The following PUDP variants were observed in gnomAD, a reference collection of about 807,000 sequenced individuals.
The protein encoded by PUDP is pseudouridine 5'-phosphatase, also known as pseudouridine-5'-phosphatase.
A neutral mutation model predicts 9.4 loss-of-function variants in PUDP; 8 were observed. The ratio of observed to expected loss-of-function variants is 0.85; its 90% CI spans 0.50 to 1.53. The LOEUF (loss-of-function observed/expected upper bound fraction) is 1.53, where lower values mean the gene tolerates loss of function less well. PUDP is among the 40% of genes most tolerant of loss of function. The pLI, the probability that PUDP is intolerant of heterozygous loss-of-function variation, is 0.00. For synonymous variants in PUDP, 99 were observed against 80.7 expected (o/e 1.23, Z -1.22); for missense variants, 188 against 189.7 (o/e 0.99, Z 0.05).
chrX:6,715,534 T>C (rs1924590220), intron 1 of PUDP, among the ~76,000 whole-genome samples: 2 of 112,452 alleles, frequency 1.8e-5, no homozygotes, highest in African/African-American at 6.5e-5. Context: ...ATGGAATGTA[T>C]TCAATAAATG....
At chrX:7,032,788 G>A (rs965643649) in intron 1 of PUDP, among the ~76,000 whole-genome samples, 20 of 111,450 alleles carry the variant, frequency 1.8e-4, no homozygotes, top group African/African-American at 6.5e-4. Context: ...GTTTTCACAG[G>A]TGAATATATT....
At chrX:7,001,645 C>A (rs909320650) in intron 1 of PUDP, among the ~76,000 whole-genome samples, 2 of 111,272 alleles carry the variant, frequency 1.8e-5, no homozygotes, top group South Asian at 7.5e-4. Flanking sequence ...TGAAAAGAAT[C>A]GAGATCAGAG....
intron 3 of PUDP, among the ~76,000 whole-genome samples, chrX:6,890,113 G>A (rs1927490861): frequency 1.8e-5 from 2 of 111,777 alleles, no homozygotes; most frequent in Admixed American, 1.9e-4. Context: ...TCAGAGGTAT[G>A]GTTTCCACAT....
chrX:6,786,067 G>C (rs1004142919), intron 3 of PUDP, among the ~76,000 whole-genome samples: 1 of 111,517 alleles, frequency 9.0e-6, no homozygotes, highest in Non-Finnish European at 1.9e-5. Context: ...TACTCAATGT[G>C]CTGTTCTCTC....
At chrX:7,068,073 G>C (rs1260361466) in intron 3 of PUDP, among the ~76,000 whole-genome samples, 1 of 111,653 alleles carries the variant, frequency 9.0e-6, no homozygotes, top group Non-Finnish European at 1.9e-5. Context: ...ACCCAGTTTT[G>C]GGTATGTCTT....
intron 3 of PUDP, among the ~76,000 whole-genome samples, chrX:6,781,612 G>A: frequency 8.9e-6 from 1 of 112,222 alleles, no homozygotes; most frequent in Middle Eastern, 4.6e-3. Flanking sequence ...AACAGAAAGT[G>A]CATGTCATGG....
At chrX:7,071,921 C>T (rs778746615) in intron 3 of PUDP, among the ~76,000 whole-genome samples, 120 of 110,406 alleles carry the variant, frequency 1.1e-3, no homozygotes, top group African/African-American at 3.8e-3. Flanking sequence ...AGACTACAGG[C>T]AGGCGCCACC....
chrX:6,765,499 T>C (rs1925274691), intron 3 of PUDP, among the ~76,000 whole-genome samples: 1 of 112,146 alleles, frequency 8.9e-6, no homozygotes, highest in African/African-American at 3.2e-5. Context: ...TTTAATTATG[T>C]CCATTTTTCA....
chrX:6,913,681 CAA>C (rs1484467992), intron 3 of PUDP, among the ~76,000 whole-genome samples: 3 of 111,555 alleles, frequency 2.7e-5, no homozygotes, highest in African/African-American at 9.8e-5. Context: ...TACTCTATCA[CAA>C]AGTTATTTCA....
intron 3 of PUDP, among the ~76,000 whole-genome samples, chrX:7,068,307 C>T (rs111354273): frequency 4.5e-5 from 5 of 112,305 alleles, no homozygotes; most frequent in South Asian, 3.7e-4. Flanking sequence ...GGCACGTACA[C>T]GAAAGGTTCA....
At chrX:6,950,337 C>CA (rs779591166) in intron 3 of PUDP, among the ~76,000 whole-genome samples, 10,872 of 40,778 alleles carry the variant, frequency 0.27, 1,086 homozygotes, top group Admixed American at 0.35. Flanking sequence ...AGCTCTGTCT[C>CA]AAAAAAAAAA....
intron 3 of PUDP, among the ~76,000 whole-genome samples, chrX:6,880,702 G>A (rs374417715): frequency 7.2e-5 from 8 of 111,779 alleles, no homozygotes; most frequent in African/African-American, 1.9e-4. Context: ...TAATTTTAAA[G>A]CCAATGCCTA....
chrX:6,956,007 A>G (rs1445905051), intron 3 of PUDP, among the ~76,000 whole-genome samples: 1 of 112,156 alleles, frequency 8.9e-6, no homozygotes, highest in East Asian at 2.8e-4. Context: ...TCTCCTTTCT[A>G]TCTGGTCTAA....
chrX:7,117,462 A>T lies in PUDP; in HGVS notation c.62-11624T>A, dbSNP rs1423306828. 4.4e-5 allele frequency among the ~76,000 whole-genome samples: 5 copies of T among 112,709 alleles called. No homozygotes were observed. In the East Asian group the frequency reaches 1.4e-3, roughly 31 times the overall value. ...TCTGTGGAAGTTAGAACTTCAGGGT[A>T]ATCCTTTAGGTTATCTAGCAGAACA... On this transcript the variant is annotated intron_variant, in intron 1 of 3. Coordinates refer to ENST00000381077, the MANE Select transcript of PUDP (RefSeq NM_012080.5).
intron 3 of PUDP, among the ~76,000 whole-genome samples, chrX:6,844,740 G>T (rs1208065055): frequency 8.9e-6 from 1 of 112,247 alleles, no homozygotes; most frequent in Admixed American, 9.4e-5. Flanking sequence ...GTCCCACAAT[G>T]ATGCCATATT....
chrX:7,083,118 C>T (rs1271780630), intron 2 of PUDP, among the ~76,000 whole-genome samples: 1 of 112,162 alleles, frequency 8.9e-6, no homozygotes, highest in Non-Finnish European at 1.9e-5. Flanking sequence ...CCCTGAGACA[C>T]CTTGATTTCA....
intron 1 of PUDP, among the ~76,000 whole-genome samples, chrX:7,134,781 A>G (rs892068725): frequency 6.2e-5 from 7 of 112,510 alleles, no homozygotes; most frequent in Non-Finnish European, 1.3e-4. Flanking sequence ...TAAGAGATGC[A>G]AAAAGAAAAT....
intron 2 of PUDP, among the ~76,000 whole-genome samples, chrX:7,080,038 A>T (rs1307954048): frequency 1.8e-5 from 2 of 112,178 alleles, no homozygotes; most frequent in African/African-American, 6.5e-5. Context: ...CTAAATCAAA[A>T]GCGAGTTGTT....
At chrX:6,970,617 G>C (rs1211644460) in intron 3 of PUDP, among the ~76,000 whole-genome samples, 1 of 111,837 alleles carries the variant, frequency 8.9e-6, no homozygotes, top group East Asian at 2.8e-4. Context: ...TCAAAGACTA[G>C]AGTAATGATT....
Sources: allele counts gnomAD v4.1 joint callset (sites outside exome capture counted in the v4.1 genomes callset), GRCh38; gene constraint gnomAD v4.1.1; transcripts MANE v1.5; gene names NCBI Gene and HGNC (gene_info 2026-07-23, HGNC 2026-07-21).